SNRNP35: variants seen among roughly 807,000 people sequenced by gnomAD.
SNRNP35 encodes the protein U11/U12 small nuclear ribonucleoprotein 35 kDa protein.
In SNRNP35, 16 loss-of-function variants were observed where a neutral mutation model predicts 24.3. The observed-to-expected ratio is 0.66, with a 90% CI of 0.45 to 1.00. The LOEUF (loss-of-function observed/expected upper bound fraction) is 1.00, where lower values mean the gene tolerates loss of function less well. SNRNP35 is among the 50% of genes least tolerant of loss of function. The pLI, the probability that SNRNP35 is intolerant of heterozygous loss-of-function variation, is 0.00. For missense variants in SNRNP35, 292 were observed against 327.2 expected, an observed-to-expected ratio of 0.89 and a Z score of 0.83; for synonymous variants, 106 against 124.8, an observed-to-expected ratio of 0.85 and a Z score of 1.00.
At chr12:123,470,628 A>G (rs141588022), downstream of SNRNP35, 7 of 152,238 alleles carry the variant, frequency 4.6e-5, no homozygotes, top group African/African-American at 1.4e-4. Context: ...TACTAAAAAT[A>G]CAAAAATTAG....
rs1466777322 is a variant in SNRNP35 at position 123,458,229 on chromosome 12, G to T, written c.-4+13G>T. 5 of 985,338 alleles carry T rather than the reference G, an allele frequency of 5.1e-6. No homozygotes were observed. In the South Asian group the frequency reaches 1.4e-4, roughly 28 times the overall value. 61.0% of individuals were successfully genotyped at this position (985,338 alleles called of 1,614,324 possible). ...AAGCTTTGCAGAGGTGAGTGGAAGC[G>T]GCTTGGAAGGAGCGGGCCCCACGCC... On this transcript the variant is annotated intron_variant, in intron 1 of 1. Coordinates refer to ENST00000526639, the MANE Select transcript of SNRNP35 (RefSeq NM_022717.4).
rs1880878548 is a variant in SNRNP35, at chr12:123,465,226, A to G, written c.-3-312A>G. On this transcript the variant is annotated intron_variant, in intron 1 of 1. Transcript: ENST00000526639. The surrounding 1 kb of genome is among the most constrained non-coding windows in gnomAD (Gnocchi z 4.2). ...CACGTTGCCACATTGTAATGTGTTC[A>G]TAGTTGGTAAGTGCCCTTCCGTGGC... Among the ~76,000 whole-genome samples, 1 of 152,204 alleles carries G rather than the reference A, an allele frequency of 6.6e-6. No individual in the cohort carries two copies. Among genetic ancestry groups the G allele is most frequent in the South Asian group, 2.1e-4 (1 of 4,830 alleles).
downstream of SNRNP35, among the ~76,000 whole-genome samples, chr12:123,469,067 C>T (rs1016606376): frequency 6.6e-6 from 1 of 152,212 alleles, no homozygotes; most frequent in Admixed American, 6.5e-5. Context: ...AGTATCCTCT[C>T]TCCCCCTCCA....
rs1351365099 is a variant in SNRNP35, at chr12:123,466,403, T to C, written c.*122T>C. On this transcript the variant is annotated 3_prime_UTR_variant, in exon 2 of 2. Transcript: ENST00000526639. ...TTACTGATGATCATGGGGTTTGGAATAGTTTTCTTTCCAATCTGGAACTTC... is the reference window on the plus strand; with the variant it reads ...TTACTGATGATCATGGGGTTTGGAACAGTTTTCTTTCCAATCTGGAACTTC... 6 of 1,075,716 alleles carry C rather than the reference T, an allele frequency of 5.6e-6. No individual in the cohort carries two copies. The highest frequency in any genetic ancestry group is 6.5e-6 in the Non-Finnish European group (5 of 764,950). 66.6% of individuals were successfully genotyped at this position (1,075,716 alleles called of 1,614,324 possible).
rs1699621576 is a variant in SNRNP35, at chr12:123,472,635, C to T, written n.1642C>T. On this transcript the variant is annotated non_coding_transcript_exon_variant, in exon 2 of 2. Coordinates refer to the SNRNP35 transcript ENST00000527158. ...AAAGGACTCCTGGATGTGCACGTTT[C>T]TCTGTGTGTTGGCCAGGCGCTTCTT... is the stretch of plus-strand genomic sequence containing the variant. 1 of 1,595,410 alleles carries T rather than the reference C, an allele frequency of 6.3e-7. No homozygotes were observed. The highest frequency in any genetic ancestry group is 1.3e-5 in the African/African-American group (1 of 74,622).
At chr12:123,458,620 C>T (rs1292171496) in intron 1 of SNRNP35, among the ~76,000 whole-genome samples, 1 of 142,244 alleles carries the variant, frequency 7.0e-6, no homozygotes, top group African/African-American at 2.7e-5. Context: ...CTTTTTGAGA[C>T]AGTCTTGCTC....
downstream of SNRNP35, chr12:123,470,259 C>G (rs961327010): frequency 6.6e-6 from 1 of 151,886 alleles, no homozygotes; most frequent in African/African-American, 2.4e-5. Context: ...GTGAGGATCA[C>G]TTGAGCCCAG....
Position 123,472,428 on chromosome 12 carries a change from A to C in SNRNP35, n.1435A>C, listed in dbSNP as rs1004867861. ...CAGTCTGTTTGAGGGGTCAGTTTTC[A>C]GGGTGCATCTGCACCGAGAGGCTTG... On this transcript the variant is annotated non_coding_transcript_exon_variant, in exon 2 of 2. Coordinates refer to the SNRNP35 transcript ENST00000527158. 3 of 1,192,554 alleles carry C rather than the reference A, an allele frequency of 2.5e-6. No individual in the cohort carries two copies. In the African/African-American group the frequency reaches 4.6e-5, roughly 18 times the overall value. 73.9% of individuals were successfully genotyped at this position (1,192,554 alleles called of 1,614,324 possible). A position where few individuals can be genotyped will look rare whatever the true frequency, so the allele number is the denominator to read the frequency against.
chr12:123,461,681 A>G (rs1385613108), intron 1 of SNRNP35, among the ~76,000 whole-genome samples: 1 of 151,738 alleles, frequency 6.6e-6, no homozygotes, highest in East Asian at 1.9e-4. Flanking sequence ...TTGTTTCTCA[A>G]TGATCAGGTT....
chr12:123,466,499 A>G lies in SNRNP35; in HGVS notation c.*218A>G, dbSNP rs1210436458. The G allele has an allele frequency of 1.3e-5, 6 of 464,658 alleles. No homozygotes were observed. Among genetic ancestry groups the G allele is most frequent in the Non-Finnish European group, 1.9e-5 (5 of 266,434 alleles). 28.8% of individuals were successfully genotyped at this position (464,658 alleles called of 1,614,324 possible). A position where few individuals can be genotyped will look rare whatever the true frequency, so the allele number is the denominator to read the frequency against. On this transcript the variant is annotated 3_prime_UTR_variant, in exon 2 of 2. Coordinates refer to ENST00000526639, the MANE Select transcript of SNRNP35 (RefSeq NM_022717.4). ...GGACATGTTATTTAACAGGATCAAG[A>G]AGCAATTTTGTAGTTACTGGCATCT...
chr12:123,472,935 G>C (rs916989258), exon 2 of SNRNP35: 6 of 440,400 alleles, frequency 1.4e-5, no homozygotes, highest in Non-Finnish European at 2.5e-5. Flanking sequence ...TGATGTGTGA[G>C]GTGTCTTCCA....
In SNRNP35 at chr12:123,465,916, T is replaced by A. The variant is rs1487640873; in HGVS notation, c.376T>A (p.Tyr126Asn). The A allele has an allele frequency of 1.2e-6, 2 of 1,613,840 alleles. No individual in the cohort carries two copies. Among genetic ancestry groups the A allele is most frequent in the Admixed American group, 3.3e-5 (2 of 59,914 alleles). Residue 126 changes from tyrosine (Y) to asparagine (N), a missense_variant, in exon 2 of 2, where the codon TAC (tyrosine) becomes AAC (asparagine). By Grantham distance (143) the Tyr-to-Asn change is moderately radical (BLOSUM62 -2). Coordinates refer to ENST00000526639, the MANE Select transcript of SNRNP35 (RefSeq NM_022717.4). This position sits in a 1 kb window ranked among gnomAD's most constrained non-coding sequence, Gnocchi z 4.2. The part of the protein sequence containing the change: ...VIDQHEIFVD[Y>N]ELERTLKGWI... ...TGACCAGCATGAGATATTTGTGGAC[T>A]ACGAGCTGGAAAGGACTCTCAAAGG...
At chr12:123,468,330 G>T (rs1162372624), downstream of SNRNP35, among the ~76,000 whole-genome samples, 1 of 131,016 alleles carries the variant, frequency 7.6e-6, no homozygotes, top group African/African-American at 2.9e-5. Context: ...CTGCACTCCA[G>T]CCTGGGCGAC....
intron 1 of SNRNP35, chr12:123,459,830 G>T (rs897232003): frequency 6.3e-7 from 1 of 1,575,284 alleles, no homozygotes; most frequent in Non-Finnish European, 8.6e-7. Context: ...ATTGTTGTAG[G>T]AAATCTCAAC....
In SNRNP35 at chr12:123,465,789, C is replaced by A; in HGVS notation, c.249C>A (p.Val83=). ...RYGDIRRLRL[V]RDLVTGFSKG... ...GTGACATCCGGCGGCTTCGGCTGGT[C>A]AGGGACTTGGTCACAGGTTTTTCAA... Residue 83 remains valine, a synonymous_variant, in exon 2 of 2, where the codon GTC becomes GTA. Transcript: ENST00000526639. The surrounding 1 kb of genome is among the most constrained non-coding windows in gnomAD (Gnocchi z 4.2). 6.2e-7 allele frequency: 1 copy of A among 1,614,086 alleles called. No individual in the cohort carries two copies. Among genetic ancestry groups the A allele is most frequent in the Non-Finnish European group, 8.5e-7 (1 of 1,180,022 alleles).
intron 1 of SNRNP35, among the ~76,000 whole-genome samples, chr12:123,463,360 T>G (rs1043522964): frequency 1.3e-5 from 2 of 150,734 alleles, no homozygotes; most frequent in African/African-American, 4.9e-5. Context: ...CTGCAACAGG[T>G]CAAGTTTTTT....
At chr12:123,459,928 A>G in intron 1 of SNRNP35, 2 of 1,396,314 alleles carry the variant, frequency 1.4e-6, no homozygotes, top group South Asian at 1.2e-5. Flanking sequence ...CATGCAGATG[A>G]GAGAGAGAAC....
At chr12:123,467,472 T>C (rs1351948428), downstream of SNRNP35, among the ~76,000 whole-genome samples, 2 of 152,196 alleles carry the variant, frequency 1.3e-5, no homozygotes, top group Non-Finnish European at 2.9e-5. Flanking sequence ...GATTTTTCCT[T>C]TCTCTCTTAT....
rs1880939519 is a variant in SNRNP35 at position 123,465,863 on chromosome 12, C to T, written c.323C>T (p.Ala108Val). 2 of 1,613,946 alleles carry T rather than the reference C, an allele frequency of 1.2e-6. No individual in the cohort carries two copies. Among genetic ancestry groups the T allele is most frequent in the Non-Finnish European group, 8.5e-7 (1 of 1,180,004 alleles). ...EYKEERAVIK[A>V]YRDADGLVID... ...AAGGAGGAGCGTGCCGTGATCAAAG[C>T]TTACCGAGATGCTGATGGCCTGGTT... Residue 108 changes from alanine to valine, a missense_variant, in exon 2 of 2, where the codon GCT (alanine) becomes GTT (valine). Ala to Val is a moderately conservative substitution (Grantham distance 64). Transcript: ENST00000526639. The surrounding 1 kb of genome is among the most constrained non-coding windows in gnomAD (Gnocchi z 4.2).
Sources: gnomAD v4.1 joint callset for allele counts (sites outside exome capture counted in the v4.1 genomes callset) on GRCh38, gnomAD v4.1.1 for gene constraint, Gnocchi (gnomAD v3.1) non-coding constraint, MANE v1.5 for transcripts, NCBI Gene and HGNC (gene_info 2026-07-23, HGNC 2026-07-21) for gene names.